LHFPL6: variants seen among roughly 807,000 people sequenced by gnomAD.
The protein encoded by LHFPL6 is LHFPL tetraspan subfamily member 6 protein.
In LHFPL6, 9 loss-of-function variants were observed where a neutral mutation model predicts 20.6. The observed-to-expected ratio is 0.44, with a 90% CI of 0.26 to 0.76. The LOEUF (loss-of-function observed/expected upper bound fraction) is 0.76, where lower values mean the gene tolerates loss of function less well. LHFPL6 is among the 30% of genes least tolerant of loss of function. The pLI, the probability that LHFPL6 is intolerant of heterozygous loss-of-function variation, is 0.20. For synonymous variants in LHFPL6, 105 were observed against 98.7 expected (o/e 1.06, Z -0.38); for missense variants, 218 against 253.5 (o/e 0.86, Z 0.95).
intron 3 of LHFPL6, among the ~76,000 whole-genome samples, chr13:39,369,849 A>G (rs1870121773): frequency 6.6e-6 from 1 of 152,120 alleles, no homozygotes; most frequent in Non-Finnish European, 1.5e-5. Flanking sequence ...CCTATCCCAC[A>G]GGTTCATCTG....
intron 3 of LHFPL6, among the ~76,000 whole-genome samples, chr13:39,349,506 G>A (rs1869503154): frequency 6.6e-6 from 1 of 152,166 alleles, no homozygotes; most frequent in Admixed American, 6.5e-5. Context: ...GTGAGTGCCA[G>A]CTCCAACTAT....
At chr13:39,565,327 G>T (rs1871676000) in intron 2 of LHFPL6, among the ~76,000 whole-genome samples, 1 of 116,970 alleles carries the variant, frequency 8.5e-6, no homozygotes, top group South Asian at 2.5e-4. Flanking sequence ...CAGGCAAAAA[G>T]AAAGGTTTTT....
At chr13:39,521,658 G>A (rs1159628872) in intron 2 of LHFPL6, among the ~76,000 whole-genome samples, 1 of 152,110 alleles carries the variant, frequency 6.6e-6, no homozygotes, top group East Asian at 1.9e-4. Context: ...AGAAAGCAAT[G>A]AATTGTATGC....
Position 39,601,035 on chromosome 13 carries a change from A to G in LHFPL6, c.182T>C (p.Met61Thr), listed in dbSNP as rs1476195422. The G allele has an allele frequency of 6.2e-7, 1 of 1,614,190 alleles. No homozygotes were observed. Residue 61 changes from methionine to threonine, a missense_variant, in exon 2 of 4, where the codon ATG (methionine) becomes ACG (threonine). Met to Thr is a moderately conservative substitution (Grantham distance 81). Transcript: ENST00000379589. ...SYPVHDESRQ[M>T]MVMVEECGRY... ...CCCACATTCCTCCACCATCACCATCATCTGCCGACTCTCATCATGCACAGG... is the reference window on the plus strand; with the variant it reads ...CCCACATTCCTCCACCATCACCATCGTCTGCCGACTCTCATCATGCACAGG...
At chr13:39,575,234 T>A (rs1872077663) in intron 2 of LHFPL6, among the ~76,000 whole-genome samples, 1 of 152,106 alleles carries the variant, frequency 6.6e-6, no homozygotes, top group South Asian at 2.1e-4. Context: ...AGAGCACAGA[T>A]GTAAAGACTG....
At chr13:39,515,523 C>A (rs1353917523) in intron 2 of LHFPL6, among the ~76,000 whole-genome samples, 1 of 152,202 alleles carries the variant, frequency 6.6e-6, no homozygotes, top group Non-Finnish European at 1.5e-5. Context: ...CGCCTTTCTC[C>A]TTCCTGGGGA....
Position 39,576,268 on chromosome 13 carries a change from A to C in LHFPL6, c.385+24564T>G, listed in dbSNP as rs913379613. On this transcript the variant is annotated intron_variant, in intron 2 of 3. Coordinates refer to ENST00000379589, the MANE Select transcript of LHFPL6 (RefSeq NM_005780.3). Reference sequence around the variant, plus strand: ...TACAGCACAGTTAAAGTCAGTAAAAATACTGGGGCCATGAATGAGAATAGA... The same window carrying C: ...TACAGCACAGTTAAAGTCAGTAAAACTACTGGGGCCATGAATGAGAATAGA... 5.3e-5 allele frequency among the ~76,000 whole-genome samples: 8 copies of C among 152,234 alleles called. No homozygotes were observed. The South Asian group carries it at 6.2e-4, about 12-fold the overall frequency.
At chr13:39,575,341 T>C (rs1319734868) in intron 2 of LHFPL6, among the ~76,000 whole-genome samples, 1 of 152,196 alleles carries the variant, frequency 6.6e-6, no homozygotes, top group Non-Finnish European at 1.5e-5. Context: ...TTTCAGACTT[T>C]AGCGCACAGT....
In LHFPL6 at chr13:39,343,863, G is replaced by T; in HGVS notation, c.*73C>A. ...AGAACTACTATCCCACCTTTTGAAG[G>T]TAGGTGGATGTTTTGACCTCTCCAA... On this transcript the variant is annotated 3_prime_UTR_variant, in exon 4 of 4. Coordinates refer to ENST00000379589, the MANE Select transcript of LHFPL6 (RefSeq NM_005780.3). The T allele has an allele frequency of 9.8e-7, 1 of 1,020,846 alleles. No individual in the cohort carries two copies. The highest frequency in any genetic ancestry group is 1.4e-5 in the South Asian group (1 of 70,354). The allele number at this position is 1,020,846 out of a possible 1,614,324, so 63.2% of individuals were successfully genotyped here. A position where few individuals can be genotyped will look rare whatever the true frequency, so the allele number is the denominator to read the frequency against.
At chr13:39,414,203 G>T (rs1423714571) in intron 2 of LHFPL6, among the ~76,000 whole-genome samples, 3 of 152,118 alleles carry the variant, frequency 2.0e-5, no homozygotes, top group Admixed American at 1.3e-4. Context: ...AGATCACAGG[G>T]TATAAAAGCA....
intron 2 of LHFPL6, among the ~76,000 whole-genome samples, chr13:39,537,093 G>A (rs751690538): frequency 6.6e-6 from 1 of 152,168 alleles, no homozygotes; most frequent in Non-Finnish European, 1.5e-5. Context: ...AAGCCTTGTG[G>A]GAATTTTTAA....
intron 2 of LHFPL6, among the ~76,000 whole-genome samples, chr13:39,575,359 C>T (rs956036688): frequency 7.2e-5 from 11 of 152,092 alleles, no homozygotes; most frequent in African/African-American, 1.9e-4. Context: ...AGTTAAGGAA[C>T]GATTTTTAAT....
At chr13:39,538,377 T>C (rs140395716) in intron 2 of LHFPL6, among the ~76,000 whole-genome samples, 142 of 150,966 alleles carry the variant, frequency 9.4e-4, no homozygotes, top group African/African-American at 2.9e-3. Flanking sequence ...TCAGATCTGA[T>C]GCAGATTTTA....
chr13:39,422,602 A>AAGAAG (rs67032774), intron 2 of LHFPL6, among the ~76,000 whole-genome samples: 14,292 of 113,418 alleles, frequency 0.13, 1,025 homozygotes, highest in Non-Finnish European at 0.17. Flanking sequence ...AAAAAAAAAA[A>AAGAAG]AAGAAGAAGA....
intron 2 of LHFPL6, among the ~76,000 whole-genome samples, chr13:39,417,952 T>C (rs1871385942): frequency 6.6e-6 from 1 of 152,202 alleles, no homozygotes; most frequent in South Asian, 2.1e-4. Flanking sequence ...GAGCATTATG[T>C]GGGGAGAGAA....
intron 2 of LHFPL6, among the ~76,000 whole-genome samples, chr13:39,423,758 G>C (rs1342446915): frequency 6.6e-6 from 1 of 152,218 alleles, no homozygotes; most frequent in Non-Finnish European, 1.5e-5. Context: ...GAGCAAGTGA[G>C]ATAAAGTAGT....
chr13:39,527,148 C>A (rs1870315251), intron 2 of LHFPL6, among the ~76,000 whole-genome samples: 1 of 152,158 alleles, frequency 6.6e-6, no homozygotes, highest in African/African-American at 2.4e-5. Flanking sequence ...AATTTGCATT[C>A]TAGGTTAAAG....
At chr13:39,566,111 A>G (rs58089330) in intron 2 of LHFPL6, among the ~76,000 whole-genome samples, 2,068 of 152,292 alleles carry the variant, frequency 0.014, 41 homozygotes, top group African/African-American at 0.047. Flanking sequence ...TGTGCCTCTC[A>G]AGTTCAACAT....
At chr13:39,531,734 G>T (rs1183912874) in intron 2 of LHFPL6, among the ~76,000 whole-genome samples, 1 of 152,142 alleles carries the variant, frequency 6.6e-6, no homozygotes, top group Non-Finnish European at 1.5e-5. Flanking sequence ...ACCGCATTAA[G>T]AGCATAGACA....
Sources: allele counts gnomAD v4.1 joint callset (sites outside exome capture counted in the v4.1 genomes callset), GRCh38; gene constraint gnomAD v4.1.1; transcripts MANE v1.5; gene names NCBI Gene and HGNC (gene_info 2026-07-23, HGNC 2026-07-21).